Variants in REDIC1 observed in about 807,000 individuals in gnomAD.
The protein encoded by REDIC1 is regulator of DNA class I crossover intermediates 1.
At chr12:39,757,159 A>G in the REDIC1 span, 2 of 151,800 alleles carry the variant, frequency 1.3e-5, no homozygotes, top group Non-Finnish European at 3.0e-5. Context: ...AGTCTAGTGC[A>G]GATCAGACAT....
chr12:39,822,219 A>T, the REDIC1 span, among the ~76,000 whole-genome samples: 2 of 151,972 alleles, frequency 1.3e-5, no homozygotes. Flanking sequence ...GATTTCCAAG[A>T]TAACGTTTCC....
the REDIC1 span, among the ~76,000 whole-genome samples, chr12:39,723,837 G>T: frequency 1.3e-5 from 2 of 151,988 alleles, no homozygotes; most frequent in Non-Finnish European, 2.9e-5. Flanking sequence ...TAAGATGAGA[G>T]GCTATCTTTA....
At chr12:39,742,218 G>C in the REDIC1 span, among the ~76,000 whole-genome samples, 1 of 152,120 alleles carries the variant, frequency 6.6e-6, no homozygotes, top group African/African-American at 2.4e-5. Flanking sequence ...TCAGTACAGT[G>C]ACTATGAACG....
the REDIC1 span, chr12:39,650,390 A>T: frequency 2.5e-6 from 4 of 1,579,708 alleles, no homozygotes; most frequent in Non-Finnish European, 2.6e-6. The surrounding 1 kb of genome is among the most constrained non-coding windows in gnomAD (Gnocchi z 4.3). Flanking sequence ...AAGAAGCTGT[A>T]GCATTCTGTA....
At chr12:39,686,069 A>T in the REDIC1 span, among the ~76,000 whole-genome samples, 1 of 152,186 alleles carries the variant, frequency 6.6e-6, no homozygotes, top group African/African-American at 2.4e-5. Context: ...GGCTGCTTTC[A>T]TGAGCTGGGG....
the REDIC1 span, among the ~76,000 whole-genome samples, chr12:39,665,136 A>G: frequency 6.6e-6 from 1 of 151,930 alleles, no homozygotes; most frequent in African/African-American, 2.4e-5. Flanking sequence ...TTTAGACATG[A>G]AGTCCTTGCC....
At chr12:39,881,968 T>G in the REDIC1 span, among the ~76,000 whole-genome samples, 1 of 152,162 alleles carries the variant, frequency 6.6e-6, no homozygotes, top group Admixed American at 6.5e-5. Context: ...GAGTCTCTTT[T>G]AACTGCTCTA....
the REDIC1 span, among the ~76,000 whole-genome samples, chr12:39,712,996 TGTATATGTATATATACATGTGTATATAC>T: frequency 3.5e-5 from 5 of 142,648 alleles, no homozygotes; most frequent in Admixed American, 3.5e-4. Context: ...TGTATATACG[TGTATATGTATATATACATGTGTATATAC>T]GTGTATATGT....
At chr12:39,845,003 A>G in the REDIC1 span, among the ~76,000 whole-genome samples, 1 of 151,944 alleles carries the variant, frequency 6.6e-6, no homozygotes, top group Admixed American at 6.6e-5. Context: ...AATTAAAGTG[A>G]CCACTTGATA....
At chr12:39,896,456 A>G in the REDIC1 span, among the ~76,000 whole-genome samples, 11 of 143,482 alleles carry the variant, frequency 7.7e-5, no homozygotes, top group Admixed American at 4.3e-4. Flanking sequence ...ATATGTGTGT[A>G]TATATGTATA....
At chr12:39,816,976 TC>T in the REDIC1 span, among the ~76,000 whole-genome samples, 3 of 152,176 alleles carry the variant, frequency 2.0e-5, no homozygotes, top group Non-Finnish European at 4.4e-5. Flanking sequence ...AAATGTGTTA[TC>T]CCATTGTGGG....
At chr12:39,837,680 G>GGATAT in the REDIC1 span, among the ~76,000 whole-genome samples, 1 of 151,866 alleles carries the variant, frequency 6.6e-6, no homozygotes, top group South Asian at 2.1e-4. Flanking sequence ...AGTGGGCGAA[G>GGATAT]GACATGAACA....
chr12:39,701,783 TCTCA>T, the REDIC1 span, among the ~76,000 whole-genome samples: 2 of 151,776 alleles, frequency 1.3e-5, no homozygotes, highest in Non-Finnish European at 2.9e-5. Flanking sequence ...GGATTAAGAA[TCTCA>T]CTCAAAACCG....
At chr12:39,719,336 A>G in the REDIC1 span, among the ~76,000 whole-genome samples, 1 of 152,176 alleles carries the variant, frequency 6.6e-6, no homozygotes, top group Admixed American at 6.6e-5. Context: ...AAGATAAGAA[A>G]TAGCACTTAG....
chr12:39,764,543 G>C, the REDIC1 span: 1 of 1,612,132 alleles, frequency 6.2e-7, no homozygotes, highest in Non-Finnish European at 8.5e-7. Flanking sequence ...AGATGAACAT[G>C]CATTTCCTGT....
At chr12:39,895,828 G>A in the REDIC1 span, among the ~76,000 whole-genome samples, 313 of 91,676 alleles carry the variant, frequency 3.4e-3, 71 homozygotes, top group East Asian at 0.046. Flanking sequence ...ACATGTATAT[G>A]CGTGTATATG....
the REDIC1 span, among the ~76,000 whole-genome samples, chr12:39,752,568 T>A: frequency 6.6e-6 from 1 of 151,854 alleles, no homozygotes; most frequent in Non-Finnish European, 1.5e-5. Context: ...ATGAAGAAAA[T>A]GAAAGAGTGA....
At chr12:39,688,928 G>A in the REDIC1 span, among the ~76,000 whole-genome samples, 1 of 152,092 alleles carries the variant, frequency 6.6e-6, no homozygotes, top group African/African-American at 2.4e-5. Context: ...GGAGGAGGTG[G>A]CAGGAAAAAG....
the REDIC1 span, among the ~76,000 whole-genome samples, chr12:39,629,579 C>T: frequency 1.3e-5 from 2 of 152,102 alleles, no homozygotes; most frequent in South Asian, 2.1e-4. Context: ...AGGGACTTTA[C>T]CAGTCATATA....
Sources: allele counts gnomAD v4.1 joint callset (sites outside exome capture counted in the v4.1 genomes callset), GRCh38; gene constraint gnomAD v4.1.1; non-coding constraint Gnocchi (gnomAD v3.1); transcripts MANE v1.5; gene names NCBI Gene and HGNC (gene_info 2026-07-23, HGNC 2026-07-21).